Variants in CTDSPL observed in about 807,000 individuals in gnomAD.
The protein encoded by CTDSPL is CTD small phosphatase like.
In CTDSPL, 8 loss-of-function variants were observed where a neutral mutation model predicts 30.5. That is an observed-to-expected ratio of 0.26 (90% CI 0.15 to 0.47). The LOEUF (loss-of-function observed/expected upper bound fraction) is 0.47, where lower values mean the gene tolerates loss of function less well. Ranked by LOEUF, CTDSPL falls within the 20% of genes least tolerant of loss-of-function variation. CTDSPL has a pLI of 0.99. For missense variants in CTDSPL, 248 were observed against 366.1 expected (o/e 0.68, Z 2.63); for synonymous variants, 110 against 137.9 (o/e 0.80, Z 1.42).
chr3:37,870,643 C>T (rs989115226), intron 1 of CTDSPL, among the ~76,000 whole-genome samples: 2 of 151,996 alleles, frequency 1.3e-5, no homozygotes, highest in Admixed American at 1.3e-4. Flanking sequence ...CTTGAAGGGG[C>T]ACTTAGATGA....
chr3:37,877,921 G>A (rs1400039406), intron 1 of CTDSPL, among the ~76,000 whole-genome samples: 1 of 151,844 alleles, frequency 6.6e-6, no homozygotes, highest in African/African-American at 2.4e-5. Flanking sequence ...CCGCTCCCAT[G>A]ACCCAAACAG....
intron 1 of CTDSPL, among the ~76,000 whole-genome samples, chr3:37,927,929 G>A (rs563263115): frequency 1.1e-4 from 17 of 151,818 alleles, no homozygotes; most frequent in African/African-American, 4.1e-4. Context: ...TCATGTAAGT[G>A]GAATCATACA....
chr3:37,975,661 G>C lies in CTDSPL; in HGVS notation c.520-48G>C. 3 of 1,529,200 alleles carry C rather than the reference G, an allele frequency of 2.0e-6. No individual in the cohort carries two copies. Among genetic ancestry groups the C allele is most frequent in the South Asian group, 1.2e-5 (1 of 81,236 alleles). The allele number at this position is 1,529,200 out of a possible 1,614,324, so 94.7% of individuals were successfully genotyped here. A position where few individuals can be genotyped will look rare whatever the true frequency, so the allele number is the denominator to read the frequency against. On this transcript the variant is annotated intron_variant, in intron 6 of 7. Transcript: ENST00000273179. This position sits in a 1 kb window ranked among gnomAD's most constrained non-coding sequence, Gnocchi z 4.9. ...TCTTGCTGCTGTAGTTCAGGGTTTGGGGGGCTCTTTTAAACACCCAGCCTT... is the reference window on the plus strand; with the variant it reads ...TCTTGCTGCTGTAGTTCAGGGTTTGCGGGGCTCTTTTAAACACCCAGCCTT...
intron 1 of CTDSPL, among the ~76,000 whole-genome samples, chr3:37,895,221 T>G (rs574172806): frequency 6.6e-6 from 1 of 152,284 alleles, no homozygotes; most frequent in African/African-American, 2.4e-5. Context: ...TTTCTTTTGT[T>G]TTTTGCCATT....
Position 37,975,584 on chromosome 3 carries a change from A to C in CTDSPL, c.520-125A>C, listed in dbSNP as rs1488452569. 1.3e-6 allele frequency: 1 copy of C among 799,984 alleles called. No homozygotes were observed. Among genetic ancestry groups the C allele is most frequent in the African/African-American group, 1.7e-5 (1 of 58,238 alleles). 49.6% of individuals were successfully genotyped at this position (799,984 alleles called of 1,614,324 possible). ...GTACACGGAGAGGAAAATAACCAGG[A>C]TCCTAAGACACATCTAATTATTAAA... On this transcript the variant is annotated intron_variant, in intron 6 of 7. Coordinates refer to ENST00000273179, the MANE Select transcript of CTDSPL (RefSeq NM_001008392.2). This position sits in a 1 kb window ranked among gnomAD's most constrained non-coding sequence, Gnocchi z 4.9.
intron 2 of CTDSPL, among the ~76,000 whole-genome samples, chr3:37,949,031 A>G (rs1699078264): frequency 6.6e-6 from 1 of 151,046 alleles, no homozygotes; most frequent in Non-Finnish European, 1.5e-5. Context: ...CTTGTTAGCC[A>G]GGATGGTCTC....
Position 37,981,129 on chromosome 3 carries a change from GA to G in CTDSPL, c.*279del, listed in dbSNP as rs375264235. 0.022 allele frequency: 1,832 copies of G among 83,810 alleles called. 9 individuals are homozygous for G. Among genetic ancestry groups the G allele is most frequent in the South Asian group, 0.048 (129 of 2,682 alleles). The allele number at this position is 83,810 out of a possible 1,614,324, so 5.2% of individuals were successfully genotyped here. A position where few individuals can be genotyped will look rare whatever the true frequency, so the allele number is the denominator to read the frequency against. The stretch of plus-strand genomic sequence containing the variant: ...AAACATACCAAAAAAGAAAAAAATA[GA>G]AAAAAAAAAAAAAAAAGCTTGATCT... On this transcript the variant is annotated 3_prime_UTR_variant, in exon 8 of 8. Transcript: ENST00000273179.
intron 1 of CTDSPL, among the ~76,000 whole-genome samples, chr3:37,894,447 A>G (rs1044392978): frequency 6.6e-6 from 1 of 151,898 alleles, no homozygotes; most frequent in Middle Eastern, 3.2e-3. Context: ...ATCTCCTGGC[A>G]TCCTTGGTTT....
intron 1 of CTDSPL, among the ~76,000 whole-genome samples, chr3:37,939,780 T>C (rs1698956742): frequency 6.6e-6 from 1 of 150,474 alleles, no homozygotes; most frequent in African/African-American, 2.4e-5. Flanking sequence ...AATGAAACTT[T>C]CAGCCCAGCT....
intron 1 of CTDSPL, among the ~76,000 whole-genome samples, chr3:37,930,106 CAAAAAAAAAGA>C (rs1245298717): frequency 9.7e-6 from 1 of 103,340 alleles, no homozygotes; most frequent in Non-Finnish European, 1.9e-5. Context: ...GACTCCGTCT[CAAAAAAAAAGA>C]AAAAAAAAAA....
At chr3:37,922,409 G>A (rs913246101) in intron 1 of CTDSPL, among the ~76,000 whole-genome samples, 1 of 152,160 alleles carries the variant, frequency 6.6e-6, no homozygotes, top group Non-Finnish European at 1.5e-5. Context: ...TGTGACCTGG[G>A]AAGCAGTACG....
intron 2 of CTDSPL, among the ~76,000 whole-genome samples, chr3:37,952,341 G>A (rs752317292): frequency 2.0e-5 from 3 of 152,296 alleles, no homozygotes; most frequent in South Asian, 2.1e-4. Context: ...GGTGGGATTT[G>A]GATTTCTGAT....
intron 1 of CTDSPL, among the ~76,000 whole-genome samples, chr3:37,880,256 T>C (rs537280736): frequency 5.7e-4 from 87 of 152,172 alleles, no homozygotes; most frequent in Non-Finnish European, 1.0e-3. Context: ...TGTGATGTAG[T>C]TATGCACCTA....
chr3:37,961,735 C>T (rs1351521503), intron 3 of CTDSPL, among the ~76,000 whole-genome samples: 1 of 152,172 alleles, frequency 6.6e-6, no homozygotes, highest in Non-Finnish European at 1.5e-5. Context: ...ACCTGGAGCT[C>T]TGAGGGCTTG....
At chr3:37,869,861 G>C (rs538941863) in intron 1 of CTDSPL, among the ~76,000 whole-genome samples, 1 of 152,150 alleles carries the variant, frequency 6.6e-6, no homozygotes, top group African/African-American at 2.4e-5. Flanking sequence ...GCAACAATTA[G>C]TCTAATCATG....
At position 37,983,549 on chromosome 3, in the gene CTDSPL, C is replaced by T. The variant is rs1376386798; in HGVS notation, c.*2682C>T. The T allele has an allele frequency of 6.6e-6, 1 of 152,634 alleles. No homozygotes were observed. The highest frequency in any genetic ancestry group is 1.5e-5 in the Non-Finnish European group (1 of 68,060). The allele number at this position is 152,634 out of a possible 1,614,324, so 9.5% of individuals were successfully genotyped here. A position where few individuals can be genotyped will look rare whatever the true frequency, so the allele number is the denominator to read the frequency against. ...CCAACTCTTTAGCCAAAAGAGAACC[C>T]TGACCTCCTGAGTTTCCATGCTCCT... On this transcript the variant is annotated 3_prime_UTR_variant, in exon 8 of 8. Coordinates refer to ENST00000273179, the MANE Select transcript of CTDSPL (RefSeq NM_001008392.2).
At chr3:37,890,896 C>T (rs549486176) in intron 1 of CTDSPL, among the ~76,000 whole-genome samples, 6 of 152,274 alleles carry the variant, frequency 3.9e-5, no homozygotes, top group African/African-American at 1.2e-4. Context: ...ATTTAGAAAA[C>T]GGTTTTGCCA....
Position 37,982,996 on chromosome 3 carries a change from G to A in CTDSPL, c.*2129G>A. The A allele has an allele frequency of 4.7e-6, 1 of 214,918 alleles. No individual in the cohort carries two copies. The highest frequency in any genetic ancestry group is 9.7e-6 in the Non-Finnish European group (1 of 103,458). The allele number at this position is 214,918 out of a possible 1,614,324, so 13.3% of individuals were successfully genotyped here. A position where few individuals can be genotyped will look rare whatever the true frequency, so the allele number is the denominator to read the frequency against. ...GATGGAAATCATAAAATATTTCATG[G>A]GAATCGAACCTAGGGATAGTGCTCC... On this transcript the variant is annotated 3_prime_UTR_variant, in exon 8 of 8. Coordinates refer to ENST00000273179, the MANE Select transcript of CTDSPL (RefSeq NM_001008392.2).
intron 1 of CTDSPL, among the ~76,000 whole-genome samples, chr3:37,936,255 C>T (rs71323644): frequency 0.12 from 17,920 of 152,118 alleles, 1,133 homozygotes; most frequent in Middle Eastern, 0.16. Context: ...TAGGAATTCC[C>T]TGGGGACATT....
Sources: gnomAD v4.1 joint callset for allele counts (sites outside exome capture counted in the v4.1 genomes callset) on GRCh38, gnomAD v4.1.1 for gene constraint, Gnocchi (gnomAD v3.1) non-coding constraint, MANE v1.5 for transcripts, NCBI Gene and HGNC (gene_info 2026-07-23, HGNC 2026-07-21) for gene names.